The following USF3 variants were observed in gnomAD, a reference collection of about 807,000 sequenced individuals.
The protein encoded by USF3 is basic helix-loop-helix domain-containing protein USF3.
A neutral mutation model predicts 157.5 loss-of-function variants in USF3; 29 were observed. That is an observed-to-expected ratio of 0.18 (90% CI 0.14 to 0.25). USF3 has a LOEUF of 0.25. Among genes scored for constraint, USF3 ranks in the 10% least tolerant of loss-of-function variants. The probability of loss-of-function intolerance (pLI) is 1.00; values close to 1 mark genes in which losing one functional copy is unlikely to be tolerated. For synonymous variants in USF3, 893 were observed against 941.4 expected (o/e 0.95, Z 0.94); for missense variants, 2,381 against 2,667.6 (o/e 0.89, Z 2.37).
chr3:113,674,802 G>A, intron 3 of USF3, 30 bp downstream of exon 3: 2 of 1,590,596 alleles, frequency 1.3e-6, no homozygotes, highest in Middle Eastern at 1.7e-4. Flanking sequence ...TCTGCCCAAA[G>A]CATATTATAT....
chr3:113,661,216 G>C lies in USF3; in HGVS notation c.466C>G (p.Pro156Ala). 6.2e-7 allele frequency: 1 copy of C among 1,614,050 alleles called. No individual in the cohort carries two copies. The highest frequency in any genetic ancestry group is 8.5e-7 in the Non-Finnish European group (1 of 1,179,982). Reference sequence around the variant, plus strand: ...GCTGTTCCCTGGCTGTTTCCACCAGGCTGATTCCCGTTGGAATAAACAATA... The same window carrying C: ...GCTGTTCCCTGGCTGTTTCCACCAGCCTGATTCCCGTTGGAATAAACAATA... ...KIIVYSNGNQ[P>A]GGNSQGTAVQ... is the part of the protein sequence containing the mutation. Residue 156 changes from proline (P) to alanine (A), a missense_variant, in exon 7 of 7, where the codon CCT becomes GCT. Around this residue, in one of 6 missense-constraint regions of USF3, gnomAD observed 1,435 missense variants for 1,550.9 expected, o/e 0.93. Coordinates refer to ENST00000316407, the MANE Select transcript of USF3 (RefSeq NM_001009899.4).
intron 1 of USF3, among the ~76,000 whole-genome samples, chr3:113,687,556 T>C (rs983201821): frequency 6.6e-6 from 1 of 152,248 alleles, no homozygotes; most frequent in African/African-American, 2.4e-5. Flanking sequence ...TGTATTTATA[T>C]TAAAATAAGC....
intron 4 of USF3, among the ~76,000 whole-genome samples, chr3:113,672,783 T>G (rs1707189082): frequency 6.6e-6 from 1 of 152,206 alleles, no homozygotes; most frequent in Non-Finnish European, 1.5e-5. Context: ...AAGGTATCGT[T>G]TATAGATACA....
In USF3 at chr3:113,660,599, C is replaced by G. The variant is rs1947465888; in HGVS notation, c.1083G>C (p.Lys361Asn). The change falls in exon 7 of 7, where the codon AAG becomes AAC. Residue 361 changes from lysine (K) to asparagine (N), a missense_variant. Lys to Asn is a moderately conservative substitution (Grantham distance 94, BLOSUM62 0). This residue lies in a region of USF3 where 1,435 missense variants were observed against 1,550.9 expected (regional missense o/e 0.93). Coordinates refer to ENST00000316407, the MANE Select transcript of USF3 (RefSeq NM_001009899.4). ...TAGCTGTACTTGTCAAGTCTGCACT[C>G]TTACTAATGCTCATTGGAGAAGAAT... Reference protein sequence around the residue: ...AGDSSPMSISKSADLTSTATV... With the variant: ...AGDSSPMSISNSADLTSTATV... 5.0e-6 allele frequency: 8 copies of G among 1,614,182 alleles called. No individual in the cohort carries two copies. The highest frequency in any genetic ancestry group is 1.3e-5 in the African/African-American group (1 of 75,040).
Position 113,653,656 on chromosome 3 carries a change from T to C in USF3, c.*1288A>G, listed in dbSNP as rs1008733334. 1 of 150,654 alleles carries C rather than the reference T, an allele frequency of 6.6e-6. No homozygotes were observed. Among genetic ancestry groups the C allele is most frequent in the African/African-American group, 2.4e-5 (1 of 40,980 alleles). 9.3% of individuals were successfully genotyped at this position (150,654 alleles called of 1,614,324 possible). ...ACCTATATCAAGTTCTTCTATGCTT[T>C]AGCAGGTCTCAGGTCTCAATTTCCC... On this transcript the variant is annotated 3_prime_UTR_variant, in exon 7 of 7. Coordinates refer to ENST00000316407, the MANE Select transcript of USF3 (RefSeq NM_001009899.4).
chr3:113,673,999 A>G (rs959415957), intron 3 of USF3, among the ~76,000 whole-genome samples: 10 of 152,236 alleles, frequency 6.6e-5, no homozygotes, highest in Non-Finnish European at 1.0e-4. Context: ...TCTAATAGCT[A>G]TTTGGTAAGG....
rs1461947305 is a variant in USF3 at position 113,685,169 on chromosome 3, T to A, written c.-134-7772A>T. On this transcript the variant is annotated intron_variant, in intron 1 of 6. Transcript: ENST00000316407. The stretch of plus-strand genomic sequence containing the variant: ...GAATTCCCTAATGTATCAAGCAGAG[T>A]CTCTTGTTCTCTTCCCTTATTTTCC... 2.0e-5 allele frequency among the ~76,000 whole-genome samples: 3 copies of A among 151,956 alleles called. No individual in the cohort carries two copies. The East Asian group carries it at 5.8e-4, about 29-fold the overall frequency.
At position 113,661,279 on chromosome 3, in the gene USF3, A is replaced by G. The variant is rs1382733826; in HGVS notation, c.403T>C (p.Ser135Pro). The G allele has an allele frequency of 6.2e-7, 1 of 1,614,002 alleles. No homozygotes were observed. Among genetic ancestry groups the G allele is most frequent in the East Asian group, 2.2e-5 (1 of 44,896 alleles). The change falls in exon 7 of 7, where the codon TCT becomes CCT. Residue 135 changes from serine (S) to proline (P), a missense_variant. Ser to Pro is a moderately conservative substitution (Grantham distance 74, BLOSUM62 -1). Coordinates refer to ENST00000316407, the MANE Select transcript of USF3 (RefSeq NM_001009899.4). Reference protein sequence around the residue: ...WKGNLKNSKVSVVIPSDQVQK... With the variant: ...WKGNLKNSKVPVVIPSDQVQK... ...ACCTGGTCACTAGGAATAACAACAG[A>G]GACCTTTGAGTTTTTAAGATTTCCT...
In USF3 at chr3:113,660,826, C is replaced by T. The variant is rs1231318244; in HGVS notation, c.856G>A (p.Gly286Arg). 1.9e-6 allele frequency: 3 copies of T among 1,614,110 alleles called. No individual in the cohort carries two copies. In the South Asian group the frequency reaches 3.3e-5, roughly 18 times the overall value. ...TTCAATACTTTGGGGTTCTCTTGTCCATTCTTATTTTCAGAAGAATTTTGA... is the reference window on the plus strand; with the variant it reads ...TTCAATACTTTGGGGTTCTCTTGTCTATTCTTATTTTCAGAAGAATTTTGA... ...NDQNSSENKN[G>R]QENPKVLKKM... Residue 286 changes from glycine (G) to arginine (R), a missense_variant, in exon 7 of 7, where the codon GGA becomes AGA. Physicochemically the swap from Gly to Arg is moderately radical, Grantham distance 125. This residue lies in a region of USF3 where 1,435 missense variants were observed against 1,550.9 expected (regional missense o/e 0.93). Coordinates refer to ENST00000316407, the MANE Select transcript of USF3 (RefSeq NM_001009899.4).
chr3:113,672,128 T>A (rs1369262435), intron 4 of USF3, among the ~76,000 whole-genome samples: 1 of 150,904 alleles, frequency 6.6e-6, no homozygotes, highest in Non-Finnish European at 1.5e-5. Flanking sequence ...GGTAAACACA[T>A]CTCTTTCTTT....
chr3:113,664,903 C>T (rs558893664), intron 5 of USF3, among the ~76,000 whole-genome samples: 1 of 152,200 alleles, frequency 6.6e-6, no homozygotes, highest in African/African-American at 2.4e-5. Context: ...ATCTCTCTCT[C>T]TGTCTGCCAC....
chr3:113,687,748 C>T (rs543492739), intron 1 of USF3, among the ~76,000 whole-genome samples: 1 of 152,228 alleles, frequency 6.6e-6, no homozygotes, highest in East Asian at 1.9e-4. Flanking sequence ...ATGCTAACTC[C>T]ACTCCTCATA....
At chr3:113,691,185 T>A (rs1707673841) in intron 1 of USF3, among the ~76,000 whole-genome samples, 1 of 152,132 alleles carries the variant, frequency 6.6e-6, no homozygotes, top group Non-Finnish European at 1.5e-5. Flanking sequence ...TGAGATCCCA[T>A]CTCAACAAAA....
chr3:113,670,068 T>C (rs1707112330), intron 5 of USF3, 53 bp downstream of exon 5: 1 of 1,188,040 alleles, frequency 8.4e-7, no homozygotes, highest in Non-Finnish European at 1.3e-6. Context: ...CAAAACAACT[T>C]AGGGAATTGT....
At position 113,690,745 on chromosome 3, in the gene USF3, C is replaced by G. The variant is rs139980078; in HGVS notation, c.-135+5625G>C. On this transcript the variant is annotated intron_variant, in intron 1 of 6. Coordinates refer to ENST00000316407, the MANE Select transcript of USF3 (RefSeq NM_001009899.4). Reference sequence around the variant, plus strand: ...GCAAGTCTATCCTCCTATATAAAATCTTCCCTAATATTTCTAGCAAAACTA... The same window carrying G: ...GCAAGTCTATCCTCCTATATAAAATGTTCCCTAATATTTCTAGCAAAACTA... Among the ~76,000 whole-genome samples, 1,217 of 152,222 alleles carry G rather than the reference C, an allele frequency of 8.0e-3. 13 individuals carry two copies. The highest frequency in any genetic ancestry group is 9.1e-3 in the Non-Finnish European group (617 of 68,006).
At chr3:113,684,989 C>G (rs1707516237) in intron 1 of USF3, among the ~76,000 whole-genome samples, 2 of 152,148 alleles carry the variant, frequency 1.3e-5, no homozygotes, top group Admixed American at 1.3e-4. Context: ...ACCCATCCTT[C>G]TTGAGAAGGC....
At chr3:113,682,732 T>A (rs1195110789) in intron 1 of USF3, among the ~76,000 whole-genome samples, 1 of 152,180 alleles carries the variant, frequency 6.6e-6, no homozygotes, top group Non-Finnish European at 1.5e-5. Flanking sequence ...TTTTTCATAG[T>A]TTTTGTCTTG....
rs1947272692 is a variant in USF3 at position 113,652,109 on chromosome 3, GTGTGTGTGT to G, written c.*2826_*2834del. 1 of 66,054 alleles carries G rather than the reference GTGTGTGTGT, an allele frequency of 1.5e-5. No individual in the cohort carries two copies. The highest frequency in any genetic ancestry group is 3.6e-5 in the Non-Finnish European group (1 of 27,792). The allele number at this position is 66,054 out of a possible 1,614,324, so 4.1% of individuals were successfully genotyped here. ...GGAGAGAGAGAGAGAGAGAGAGAGA[GTGTGTGTGT>G]GTGTGTGTGTGTGTGTGTGTGTATA... On this transcript the variant is annotated 3_prime_UTR_variant, in exon 7 of 7. Transcript: ENST00000316407.
chr3:113,661,557 G>C, intron 6 of USF3, 132 bp from the exon 7 acceptor site: 1 of 492,458 alleles, frequency 2.0e-6, no homozygotes. Flanking sequence ...AGACTCTTCA[G>C]CTCTTTTCTA....
Sources: allele counts gnomAD v4.1 joint callset (sites outside exome capture counted in the v4.1 genomes callset), GRCh38; gene constraint gnomAD v4.1.1; regional missense constraint gnomAD v4.1.1; transcripts MANE v1.5; gene names NCBI Gene and HGNC (gene_info 2026-07-23, HGNC 2026-07-21).